The following ZNF385D variants were observed in gnomAD, a reference collection of about 807,000 sequenced individuals.
ZNF385D encodes the protein zinc finger protein 659.
A neutral mutation model predicts 35.8 loss-of-function variants in ZNF385D; 15 were observed. That is an observed-to-expected ratio of 0.42 (90% CI 0.28 to 0.64). ZNF385D has a LOEUF of 0.64. Among genes scored for constraint, ZNF385D ranks in the 30% least tolerant of loss-of-function variants. The pLI is 0.23. For missense variants in ZNF385D, 474 were observed against 494.6 expected, an observed-to-expected ratio of 0.96 and a Z score of 0.39; for synonymous variants, 212 against 186.8, an observed-to-expected ratio of 1.13 and a Z score of -1.10.
intron 3 of ZNF385D, among the ~76,000 whole-genome samples, chr3:22,095,270 C>G (rs908901619): frequency 6.6e-6 from 1 of 151,650 alleles, no homozygotes; most frequent in Non-Finnish European, 1.5e-5. Flanking sequence ...CAGTATAAAT[C>G]GTTTTATATT....
intron 2 of ZNF385D, among the ~76,000 whole-genome samples, chr3:22,190,509 GAATAT>G (rs1310408276): frequency 1.3e-5 from 2 of 152,132 alleles, no homozygotes; most frequent in African/African-American, 4.8e-5. Context: ...CGTGGTCACT[GAATAT>G]AATGGCTAGC....
chr3:21,606,129 A>G (rs930700841), intron 2 of ZNF385D, among the ~76,000 whole-genome samples: 1 of 152,150 alleles, frequency 6.6e-6, no homozygotes, highest in African/African-American at 2.4e-5. Flanking sequence ...GAAGTCAGAG[A>G]ACATATTCTC....
At chr3:22,192,788 G>A (rs904699884) in intron 2 of ZNF385D, among the ~76,000 whole-genome samples, 2 of 152,146 alleles carry the variant, frequency 1.3e-5, no homozygotes, top group African/African-American at 4.8e-5. Flanking sequence ...GATGGGGGTG[G>A]AATTCTGCCT....
intron 2 of ZNF385D, among the ~76,000 whole-genome samples, chr3:21,645,393 A>G (rs2065721434): frequency 6.6e-6 from 1 of 152,124 alleles, no homozygotes; most frequent in Non-Finnish European, 1.5e-5. Flanking sequence ...CACAACCTAC[A>G]CATTTGCAGA....
chr3:22,238,792 T>C (rs562387466), intron 2 of ZNF385D, among the ~76,000 whole-genome samples: 2 of 151,064 alleles, frequency 1.3e-5, no homozygotes, highest in African/African-American at 4.9e-5. Context: ...AGGTATAGTG[T>C]TGTGAACAGG....
At chr3:21,740,672 G>A (rs11711566) in intron 1 of ZNF385D, among the ~76,000 whole-genome samples, 5,598 of 152,164 alleles carry the variant, frequency 0.037, 155 homozygotes, top group East Asian at 0.11. Flanking sequence ...AATGTGTCGT[G>A]GGGAAAGAAC....
At chr3:21,982,464 C>A (rs1233900695) in intron 3 of ZNF385D, among the ~76,000 whole-genome samples, 1 of 152,068 alleles carries the variant, frequency 6.6e-6, no homozygotes, top group Non-Finnish European at 1.5e-5. Flanking sequence ...AGTTGTTTAT[C>A]AGTGGGAGGA....
chr3:21,706,583 G>T (rs1001515083), intron 1 of ZNF385D, among the ~76,000 whole-genome samples: 2 of 152,156 alleles, frequency 1.3e-5, no homozygotes, highest in Non-Finnish European at 2.9e-5. Flanking sequence ...TCAAACTCAT[G>T]TCTACTTTAT....
intron 3 of ZNF385D, among the ~76,000 whole-genome samples, chr3:21,891,877 A>G (rs1405176590): frequency 1.3e-5 from 2 of 152,132 alleles, no homozygotes; most frequent in African/African-American, 4.8e-5. Context: ...ATTTTCTGTC[A>G]TTGATGTGAT....
chr3:21,944,255 A>T (rs1320702051), intron 3 of ZNF385D, among the ~76,000 whole-genome samples: 1 of 152,206 alleles, frequency 6.6e-6, no homozygotes, highest in Admixed American at 6.5e-5. Flanking sequence ...GAAAACTATT[A>T]CAGAAATGAA....
chr3:22,091,065 C>T (rs1490525479), intron 3 of ZNF385D, among the ~76,000 whole-genome samples: 1 of 151,962 alleles, frequency 6.6e-6, no homozygotes, highest in African/African-American at 2.4e-5. Flanking sequence ...AGGTGTTAGG[C>T]CAAGAAGCAG....
At chr3:21,854,098 CAAGA>C (rs1696569469) in intron 3 of ZNF385D, among the ~76,000 whole-genome samples, 1 of 151,772 alleles carries the variant, frequency 6.6e-6, no homozygotes, top group African/African-American at 2.4e-5. Flanking sequence ...ATAAAATAAA[CAAGA>C]AAGATAGTAC....
At chr3:21,598,350 CTAA>C (rs1432739478) in intron 2 of ZNF385D, among the ~76,000 whole-genome samples, 2 of 152,038 alleles carry the variant, frequency 1.3e-5, no homozygotes, top group Non-Finnish European at 2.9e-5. Context: ...AGCTTTTAGC[CTAA>C]TGAGTGAAAA....
chr3:22,294,376 C>G (rs957021082), intron 2 of ZNF385D, among the ~76,000 whole-genome samples: 1 of 152,012 alleles, frequency 6.6e-6, no homozygotes, highest in South Asian at 2.1e-4. Context: ...TCAATATCTC[C>G]TCTAATAAGA....
rs375945024 is a variant in ZNF385D at position 21,937,405 on chromosome 3, G to A, written c.325+231412C>T. The stretch of plus-strand genomic sequence containing the variant: ...TTTGCCCCATTGTGCCACTGTAATT[G>A]AGTTCACCTACAGACCTATGTGATA... On this transcript the variant is annotated intron_variant, in intron 3 of 5. Transcript: ENST00000494108. Among the ~76,000 whole-genome samples the A allele has an allele frequency of 3.3e-5, 5 of 152,144 alleles. No homozygotes were observed. The East Asian group carries it at 7.8e-4, about 24-fold the overall frequency.
intron 2 of ZNF385D, among the ~76,000 whole-genome samples, chr3:22,246,553 C>T (rs116268490): frequency 8.8e-4 from 134 of 152,210 alleles, no homozygotes; most frequent in African/African-American, 3.2e-3. Context: ...AAAGCCTAGA[C>T]CTGACTTTGC....
At chr3:21,751,898 G>T (rs1270182020), upstream of ZNF385D, among the ~76,000 whole-genome samples, 1 of 151,932 alleles carries the variant, frequency 6.6e-6, no homozygotes, top group Non-Finnish European at 1.5e-5. Context: ...AGGCTGAAAT[G>T]ATCTTTGACC....
At chr3:21,870,154 G>A (rs1462581964) in intron 3 of ZNF385D, among the ~76,000 whole-genome samples, 1 of 152,006 alleles carries the variant, frequency 6.6e-6, no homozygotes, top group Admixed American at 6.6e-5. Flanking sequence ...AATGCTTCAG[G>A]AATTATTTTT....
At chr3:21,834,721 T>G (rs1201426656) in intron 3 of ZNF385D, among the ~76,000 whole-genome samples, 1 of 152,166 alleles carries the variant, frequency 6.6e-6, no homozygotes, top group Non-Finnish European at 1.5e-5. Flanking sequence ...AAATCTCATC[T>G]TGGACTGTAA....
Sources: gnomAD v4.1 joint callset for allele counts (sites outside exome capture counted in the v4.1 genomes callset) on GRCh38, gnomAD v4.1.1 for gene constraint, MANE v1.5 for transcripts, NCBI Gene and HGNC (gene_info 2026-07-23, HGNC 2026-07-21) for gene names.